Variants in PHACTR2 observed in about 807,000 individuals in gnomAD.
PHACTR2 encodes phosphatase and actin regulator 2.
Under a neutral mutation model 76.0 loss-of-function variants are expected in PHACTR2, and 30 were observed. That is an observed-to-expected ratio of 0.39 (90% CI 0.30 to 0.54). The LOEUF (loss-of-function observed/expected upper bound fraction) is 0.54, where lower values mean the gene tolerates loss of function less well. Among genes scored for constraint, PHACTR2 ranks in the 20% least tolerant of loss-of-function variants. PHACTR2 has a pLI of 0.61. For synonymous variants in PHACTR2, 292 were observed against 292.5 expected (o/e 1.00, Z 0.02); for missense variants, 696 against 781.1 (o/e 0.89, Z 1.30).
upstream of PHACTR2, among the ~76,000 whole-genome samples, chr6:143,676,281 G>C (rs1052766405): frequency 1.3e-5 from 2 of 152,178 alleles, no homozygotes; most frequent in Admixed American, 1.3e-4. The surrounding 1 kb of genome is among the most constrained non-coding windows in gnomAD (Gnocchi z 4.8). Flanking sequence ...TGAAAAACTG[G>C]AACTATAGTG....
At chr6:143,606,669 C>G (rs1020380796), upstream of PHACTR2, among the ~76,000 whole-genome samples, 1 of 151,854 alleles carries the variant, frequency 6.6e-6, no homozygotes, top group African/African-American at 2.4e-5. Flanking sequence ...GTTAGTTTGT[C>G]CTAGATTTGG....
chr6:143,687,135 C>T (rs1247288963), intron 1 of PHACTR2, among the ~76,000 whole-genome samples: 1 of 152,172 alleles, frequency 6.6e-6, no homozygotes, highest in Non-Finnish European at 1.5e-5. Context: ...TTCAACATCA[C>T]CTACTTCTCT....
intron 1 of PHACTR2, among the ~76,000 whole-genome samples, chr6:143,568,097 AT>A (rs367677860): frequency 6.6e-6 from 1 of 152,110 alleles, no homozygotes; most frequent in African/African-American, 2.4e-5. Context: ...CTTTACCTTG[AT>A]TTTTTTAAAA....
chr6:143,587,737 G>A (rs1775644519), intron 1 of PHACTR2, among the ~76,000 whole-genome samples: 1 of 152,126 alleles, frequency 6.6e-6, no homozygotes, highest in Non-Finnish European at 1.5e-5. Flanking sequence ...ATATTGGCCG[G>A]GCGCAGTGGC....
rs1434721800 is a variant in PHACTR2, at chr6:143,679,868, T to A, written c.46+1659T>A. On this transcript the variant is annotated intron_variant, in intron 1 of 12. Transcript: ENST00000440869. The surrounding 1 kb of genome is among the most constrained non-coding windows in gnomAD (Gnocchi z 4.6). Reference sequence around the variant, plus strand: ...AGTGTTTTAAACAAAAATTTATGCTTGATCATGAAAGATAATTCAGAGAAA... The same window carrying A: ...AGTGTTTTAAACAAAAATTTATGCTAGATCATGAAAGATAATTCAGAGAAA... 1.3e-5 allele frequency among the ~76,000 whole-genome samples: 2 copies of A among 152,196 alleles called. No individual in the cohort carries two copies. The highest frequency in any genetic ancestry group is 2.9e-5 in the Non-Finnish European group (2 of 68,032).
chr6:143,551,837 A>G (rs557238383), intron 1 of PHACTR2, among the ~76,000 whole-genome samples: 26 of 152,268 alleles, frequency 1.7e-4, no homozygotes, highest in Non-Finnish European at 3.5e-4. Flanking sequence ...TAATGGGGGG[A>G]GGCTAAGCTC....
In PHACTR2 at chr6:143,760,958, T is replaced by G. The variant is rs1395138662; in HGVS notation, c.694+318T>G. Among the ~76,000 whole-genome samples the G allele has an allele frequency of 6.6e-6, 1 of 152,224 alleles. No homozygotes were observed. Among genetic ancestry groups the G allele is most frequent in the Non-Finnish European group, 1.5e-5 (1 of 68,026 alleles). ...TGACAATGATCTGATATAACATTAT[T>G]TAGACATTGACTGACCTTCTACCTA... On this transcript the variant is annotated intron_variant, in intron 5 of 12. Transcript: ENST00000440869. The surrounding 1 kb of genome is among the most constrained non-coding windows in gnomAD (Gnocchi z 6.4).
Position 143,698,451 on chromosome 6 carries a change from A to C in PHACTR2, c.47-13565A>C, listed in dbSNP as rs750705975. On this transcript the variant is annotated intron_variant, in intron 1 of 12. Coordinates refer to ENST00000440869, the MANE Select transcript of PHACTR2 (RefSeq NM_001100164.2). This position sits in a 1 kb window ranked among gnomAD's most constrained non-coding sequence, Gnocchi z 4.3. ...AAGGAATGTTAATCTTTTGCTTTTC[A>C]GTGGCTTTTAAATGGTTTCCTGTTT... 6.6e-6 allele frequency among the ~76,000 whole-genome samples: 1 copy of C among 152,222 alleles called. No individual in the cohort carries two copies. The highest frequency in any genetic ancestry group is 1.5e-5 in the Non-Finnish European group (1 of 68,024).
Position 143,659,788 on chromosome 6 carries a change from A to G in PHACTR2, c.13+51466A>G, listed in dbSNP as rs1043481821. On this transcript the variant is annotated intron_variant, in intron 1 of 11. Transcript: ENST00000305766. The surrounding 1 kb of genome is among the most constrained non-coding windows in gnomAD (Gnocchi z 5.0). ...TATTTCCTTCCTCCAAAAGCAGAGG[A>G]AACTAGAACTCCCTTCCAGTTTGTT... Among the ~76,000 whole-genome samples the G allele has an allele frequency of 1.3e-5, 2 of 152,214 alleles. No homozygotes were observed. The highest frequency in any genetic ancestry group is 4.8e-5 in the African/African-American group (2 of 41,452).
Position 143,750,547 on chromosome 6 carries a change from A to G in PHACTR2, c.295+1482A>G, listed in dbSNP as rs541575281. On this transcript the variant is annotated intron_variant, in intron 3 of 12. Coordinates refer to ENST00000440869, the MANE Select transcript of PHACTR2 (RefSeq NM_001100164.2). This position sits in a 1 kb window ranked among gnomAD's most constrained non-coding sequence, Gnocchi z 4.6. The stretch of plus-strand genomic sequence containing the variant: ...ACAAAATGGAAAATTTTATGATTGA[A>G]ACTGTTAATGGGTTTAAATGTGAAG... 2.6e-5 allele frequency among the ~76,000 whole-genome samples: 4 copies of G among 152,338 alleles called. No homozygotes were observed. Among genetic ancestry groups the G allele is most frequent in the Admixed American group, 2.6e-4 (4 of 15,302 alleles).
rs1163410549 is a variant in PHACTR2, at chr6:143,618,612, G to T, written c.13+10290G>T. 6.6e-6 allele frequency among the ~76,000 whole-genome samples: 1 copy of T among 151,888 alleles called. No individual in the cohort carries two copies. The highest frequency in any genetic ancestry group is 6.6e-5 in the Admixed American group (1 of 15,234). Reference sequence around the variant, plus strand: ...AGGGACTGGCAGGGGAGGCTGGGGGGGGATAGGGGTTGAATGTTTCCCTAA... The same window carrying T: ...AGGGACTGGCAGGGGAGGCTGGGGGTGGATAGGGGTTGAATGTTTCCCTAA... On this transcript the variant is annotated intron_variant, in intron 1 of 11. Coordinates refer to the PHACTR2 transcript ENST00000305766. This position sits in a 1 kb window ranked among gnomAD's most constrained non-coding sequence, Gnocchi z 5.2.
rs546087051 is a variant in PHACTR2, at chr6:143,544,826, C to T, written c.217+7619C>T. On this transcript the variant is annotated intron_variant, in intron 1 of 11. Coordinates refer to the PHACTR2 transcript ENST00000367584. ...TGCATGAATTACCTTAAAAATAGTT[C>T]TTTTGACATTAAGTATCTATAAATC... Among the ~76,000 whole-genome samples, 11 of 152,218 alleles carry T rather than the reference C, an allele frequency of 7.2e-5. 1 individual carries two copies. The South Asian group carries it at 2.3e-3, about 32-fold the overall frequency.
rs554337685 is a variant in PHACTR2, at chr6:143,710,587, C to T, written c.47-1429C>T. Among the ~76,000 whole-genome samples the T allele has an allele frequency of 9.9e-5, 15 of 152,218 alleles. No individual in the cohort carries two copies. The East Asian group carries it at 2.7e-3, about 28-fold the overall frequency. On this transcript the variant is annotated intron_variant, in intron 1 of 12. Coordinates refer to ENST00000440869, the MANE Select transcript of PHACTR2 (RefSeq NM_001100164.2). The surrounding 1 kb of genome is among the most constrained non-coding windows in gnomAD (Gnocchi z 4.9). ...ATGTGCCTGTAGTCAGTCCCAGCTG[C>T]TTGGGAGGCTGAGGCAGGAGAATTG...
rs1776797045 is a variant in PHACTR2 at position 143,653,412 on chromosome 6, A to T, written c.13+45090A>T. The stretch of plus-strand genomic sequence containing the variant: ...ACTGTGGAGATGGGCAAAGGAAAAA[A>T]ATCTCCAAGCTTTTTGATATGGTGC... On this transcript the variant is annotated intron_variant, in intron 1 of 11. Transcript: ENST00000305766. This position sits in a 1 kb window ranked among gnomAD's most constrained non-coding sequence, Gnocchi z 4.9. Among the ~76,000 whole-genome samples, 1 of 152,132 alleles carries T rather than the reference A, an allele frequency of 6.6e-6. No homozygotes were observed. Among genetic ancestry groups the T allele is most frequent in the South Asian group, 2.1e-4 (1 of 4,818 alleles).
rs536170993 is a variant in PHACTR2 at position 143,592,039 on chromosome 6, A to G, written c.217+54832A>G. ...ATTTGTGGATATGAGAGGTGCATGC[A>G]GACTCTGACACAATGGGACAGACCT... On this transcript the variant is annotated intron_variant, in intron 1 of 11. Transcript: ENST00000367584. The surrounding 1 kb of genome is among the most constrained non-coding windows in gnomAD (Gnocchi z 4.0). 6.6e-6 allele frequency among the ~76,000 whole-genome samples: 1 copy of G among 152,308 alleles called. No individual in the cohort carries two copies. The highest frequency in any genetic ancestry group is 1.5e-5 in the Non-Finnish European group (1 of 68,022).
intron 1 of PHACTR2, among the ~76,000 whole-genome samples, chr6:143,682,202 T>TAG (rs1777406809): frequency 6.6e-6 from 1 of 152,248 alleles, no homozygotes. Context: ...TCCATGAACA[T>TAG]AGATGCCTTT....
intron 1 of PHACTR2, among the ~76,000 whole-genome samples, chr6:143,657,654 CAGAT>C (rs1776872120): frequency 1.3e-5 from 2 of 152,150 alleles, no homozygotes; most frequent in Admixed American, 1.3e-4. Flanking sequence ...GGAAAGAAGT[CAGAT>C]TGAGCAGATT....
Position 143,557,179 on chromosome 6 carries a change from A to C in PHACTR2, c.217+19972A>C, listed in dbSNP as rs1432991428. 6.6e-6 allele frequency among the ~76,000 whole-genome samples: 1 copy of C among 152,250 alleles called. No individual in the cohort carries two copies. The highest frequency in any genetic ancestry group is 2.4e-5 in the African/African-American group (1 of 41,458). ...TAATGGCCATTCACATTATTTTGCA[A>C]GTAAGTTACTTTAATCATCATCATC... is the stretch of plus-strand genomic sequence containing the variant. On this transcript the variant is annotated intron_variant, in intron 1 of 11. Transcript: ENST00000367584. This position sits in a 1 kb window ranked among gnomAD's most constrained non-coding sequence, Gnocchi z 5.5.
intron 4 of PHACTR2, among the ~76,000 whole-genome samples, chr6:143,759,483 A>G (rs1172579920): frequency 6.6e-6 from 1 of 152,084 alleles, no homozygotes; most frequent in African/African-American, 2.4e-5. Context: ...GCAAAACCCC[A>G]TCTCTACAAA....
Sources: allele counts gnomAD v4.1 joint callset (sites outside exome capture counted in the v4.1 genomes callset), GRCh38; gene constraint gnomAD v4.1.1; non-coding constraint Gnocchi (gnomAD v3.1); transcripts MANE v1.5; gene names NCBI Gene and HGNC (gene_info 2026-07-23, HGNC 2026-07-21).